The following AQP9 variants were observed in gnomAD, a reference collection of about 807,000 sequenced individuals.
AQP9 encodes aquaporin-9.
In AQP9, 19 loss-of-function variants were observed where a neutral mutation model predicts 23.8. The ratio of observed to expected loss-of-function variants is 0.80; its 90% CI spans 0.56 to 1.17. AQP9 has a LOEUF of 1.17. Among genes scored for constraint, AQP9 ranks in the 50% most tolerant of loss-of-function variants. AQP9 has a pLI of 0.00. For synonymous variants in AQP9, 153 were observed against 131.5 expected, an observed-to-expected ratio of 1.16 and a Z score of -1.12; for missense variants, 413 against 362.0, an observed-to-expected ratio of 1.14 and a Z score of -1.14.
intron 1 of AQP9, among the ~76,000 whole-genome samples, chr15:58,145,072 C>A (rs1257290654): frequency 6.6e-6 from 1 of 151,102 alleles, no homozygotes; most frequent in East Asian, 1.9e-4. Flanking sequence ...GAGGTGACAT[C>A]CTCTTTTCAA....
chr15:58,172,005 G>C (rs1387678288), intron 2 of AQP9, among the ~76,000 whole-genome samples: 1 of 152,188 alleles, frequency 6.6e-6, no homozygotes, highest in Non-Finnish European at 1.5e-5. Flanking sequence ...ACTAGGAAGT[G>C]AGCCTATATG....
chr15:58,154,934 A>G (rs1393663580), intron 1 of AQP9: 2 of 152,308 alleles, frequency 1.3e-5, no homozygotes, highest in East Asian at 3.8e-4. Flanking sequence ...AAAAACCATC[A>G]TTGTATTTCA....
rs139684117 is a variant in AQP9 at position 58,158,411 on chromosome 15, C to T, written c.112-8262C>T. Among the ~76,000 whole-genome samples, 323 of 152,292 alleles carry T rather than the reference C, an allele frequency of 2.1e-3. 1 individual carries two copies. The highest frequency in any genetic ancestry group is 6.8e-3 in the African/African-American group (284 of 41,556). On this transcript the variant is annotated intron_variant, in intron 1 of 5. Transcript: ENST00000219919. ...GGCAATTTGCTTTGATCTTTCTCAG[C>T]CTCAATTTGCTCATCCATGAGATGG...
At position 58,184,207 on chromosome 15, in the gene AQP9, T is replaced by A. The variant is rs1898962689; in HGVS notation, c.*72T>A. On this transcript the variant is annotated 3_prime_UTR_variant, in exon 6 of 6. Transcript: ENST00000219919. Reference sequence around the variant, plus strand: ...GAAAGATGGCATCTAAGTGTCTGTGTTCTTGTAAGCCTGAGGTGGAATCCA... The same window carrying A: ...GAAAGATGGCATCTAAGTGTCTGTGATCTTGTAAGCCTGAGGTGGAATCCA... 6.6e-7 allele frequency: 1 copy of A among 1,516,576 alleles called. No homozygotes were observed. Among genetic ancestry groups the A allele is most frequent in the Non-Finnish European group, 9.0e-7 (1 of 1,110,706 alleles). 93.9% of individuals were successfully genotyped at this position (1,516,576 alleles called of 1,614,324 possible). A position where few individuals can be genotyped will look rare whatever the true frequency, so the allele number is the denominator to read the frequency against.
In AQP9 at chr15:58,179,134, G is replaced by A; in HGVS notation, c.502G>A (p.Ala168Thr). Reference sequence around the variant, plus strand: ...TCAACTTCTCCCTCTCCAGGTGGTGGCCACCATGATACTCCTCATAATCGT... The same window carrying A: ...TCAACTTCTCCCTCTCCAGGTGGTGACCACCATGATACTCCTCATAATCGT... ...LANAFADQVV[A>T]TMILLIIVFA... The change falls in exon 5 of 6, where the codon GCC becomes ACC. Residue 168 changes from alanine (A) to threonine (T), a missense_variant. Coordinates refer to ENST00000219919, the MANE Select transcript of AQP9 (RefSeq NM_020980.5). 1 of 1,610,174 alleles carries A rather than the reference G, an allele frequency of 6.2e-7. No individual in the cohort carries two copies. Among genetic ancestry groups the A allele is most frequent in the South Asian group, 1.1e-5 (1 of 91,010 alleles).
intron 2 of AQP9, among the ~76,000 whole-genome samples, chr15:58,171,847 A>ATCG (rs1282235823): frequency 6.7e-6 from 1 of 150,202 alleles, no homozygotes; most frequent in African/African-American, 2.4e-5. Flanking sequence ...CATCATCATC[A>ATCG]TCATCATCAT....
chr15:58,182,467 C>A (rs1396241837), intron 5 of AQP9, among the ~76,000 whole-genome samples: 1 of 152,144 alleles, frequency 6.6e-6, no homozygotes, highest in East Asian at 1.9e-4. Context: ...GTGAAGAGGA[C>A]GTGTACCCTG....
At chr15:58,140,033 T>G (rs928733937) in intron 1 of AQP9, among the ~76,000 whole-genome samples, 14 of 152,312 alleles carry the variant, frequency 9.2e-5, no homozygotes, top group African/African-American at 3.4e-4. Flanking sequence ...TTAGTGAGAC[T>G]GAGACCCCTC....
At chr15:58,161,334 T>G (rs557172711) in intron 1 of AQP9, among the ~76,000 whole-genome samples, 1 of 152,236 alleles carries the variant, frequency 6.6e-6, no homozygotes, top group Non-Finnish European at 1.5e-5. Context: ...GCCTTTCAAA[T>G]GTCTTTCTTC....
rs777043479 is a variant in AQP9 at position 58,173,208 on chromosome 15, G to A, written c.376+3G>A. The A allele has an allele frequency of 5.6e-6, 9 of 1,614,094 alleles. No individual in the cohort carries two copies. In the East Asian group the frequency reaches 1.8e-4, roughly 32 times the overall value. On this transcript the variant is annotated splice_donor_region_variant and intron_variant, in intron 3 of 5. Coordinates refer to ENST00000219919, the MANE Select transcript of AQP9 (RefSeq NM_020980.5). ...AACCGTCTTTGGCATTTACTATGGT[G>A]AGTAAAGTCCCTGAGTCCTAAGGTT...
At chr15:58,160,863 A>C (rs1302567256) in intron 1 of AQP9, among the ~76,000 whole-genome samples, 1 of 152,144 alleles carries the variant, frequency 6.6e-6, no homozygotes, top group African/African-American at 2.4e-5. Flanking sequence ...GGTGCAAGGA[A>C]AGGGTGTTTC....
intron 1 of AQP9, among the ~76,000 whole-genome samples, chr15:58,144,150 C>G (rs1897998415): frequency 6.6e-6 from 1 of 152,054 alleles, no homozygotes; most frequent in African/African-American, 2.4e-5. Context: ...GCCTCTGCAC[C>G]TTTCTCTTTG....
rs768398839 is a variant in AQP9, at chr15:58,138,653, T to A, written c.88T>A (p.Phe30Ile). ...CTTAGCGAAAGAAACCCTCTCTGAG[T>A]TCTTGGGCACGTTCATCTTGATTGT... is the stretch of plus-strand genomic sequence containing the variant. ...SSLAKETLSE[F>I]LGTFILIVLG... is the part of the protein sequence containing the mutation. Residue 30 changes from phenylalanine (F) to isoleucine (I), a missense_variant, in exon 1 of 6, where the codon TTC (phenylalanine) becomes ATC (isoleucine). Coordinates refer to ENST00000219919, the MANE Select transcript of AQP9 (RefSeq NM_020980.5). The A allele has an allele frequency of 6.2e-7, 1 of 1,613,680 alleles. No individual in the cohort carries two copies.
At chr15:58,159,041 A>G (rs1172319564) in intron 1 of AQP9, among the ~76,000 whole-genome samples, 3 of 152,194 alleles carry the variant, frequency 2.0e-5, no homozygotes, top group South Asian at 2.1e-4. Context: ...TAATAAATAT[A>G]AAAGAGATTT....
chr15:58,184,058 C>A lies in AQP9; in HGVS notation c.811C>A (p.Pro271Thr). ...TGTTCTTGTCATTGAAATCCACCATCCAGAGCCTGACTCAGTCTTTAAGAC... is the reference window on the plus strand; with the variant it reads ...TGTTCTTGTCATTGAAATCCACCATACAGAGCCTGACTCAGTCTTTAAGAC... ...IYVLVIEIHH[P>T]EPDSVFKTEQ... The change falls in exon 6 of 6, where the codon CCA (proline) becomes ACA (threonine). Residue 271 changes from proline to threonine, a missense_variant. Physicochemically the swap from Pro to Thr is conservative, Grantham distance 38. Transcript: ENST00000219919. The A allele has an allele frequency of 6.2e-7, 1 of 1,614,118 alleles. No homozygotes were observed.
At chr15:58,181,821 C>T (rs145546259) in intron 5 of AQP9, among the ~76,000 whole-genome samples, 8 of 152,216 alleles carry the variant, frequency 5.3e-5, no homozygotes, top group African/African-American at 7.2e-5. Flanking sequence ...AGTAGAAACC[C>T]ATTAGGAAAG....
In AQP9 at chr15:58,143,865, C is replaced by T. The variant is rs1595726025; in HGVS notation, c.111+5189C>T. Among the ~76,000 whole-genome samples the T allele has an allele frequency of 2.0e-5, 3 of 152,230 alleles. 1 individual carries two copies. Among genetic ancestry groups the T allele is most frequent in the African/African-American group, 7.2e-5 (3 of 41,536 alleles). ...TCTGGAGTATATACCTAGAAGAGGA[C>T]CTGGTGGTCCTAGGGTATGTGCATC... On this transcript the variant is annotated intron_variant, in intron 1 of 5. Coordinates refer to ENST00000219919, the MANE Select transcript of AQP9 (RefSeq NM_020980.5).
chr15:58,143,849 T>C (rs1241602784), intron 1 of AQP9, among the ~76,000 whole-genome samples: 1 of 152,224 alleles, frequency 6.6e-6, no homozygotes, highest in Non-Finnish European at 1.5e-5. Context: ...CTCTGGAGTA[T>C]ATACCTAGAA....
At chr15:58,149,321 A>G (rs1389478452) in intron 1 of AQP9, among the ~76,000 whole-genome samples, 2 of 152,202 alleles carry the variant, frequency 1.3e-5, no homozygotes, top group Non-Finnish European at 2.9e-5. Flanking sequence ...GGACTCACAG[A>G]AGTAAAGTGC....
Sources: gnomAD v4.1 joint callset for allele counts (sites outside exome capture counted in the v4.1 genomes callset) on GRCh38, gnomAD v4.1.1 for gene constraint, MANE v1.5 for transcripts, NCBI Gene and HGNC (gene_info 2026-07-23, HGNC 2026-07-21) for gene names.